LAMA3: variants seen among roughly 807,000 people sequenced by gnomAD.
LAMA3 encodes the protein laminin subunit alpha 3.
LAMA3 carries 281 observed loss-of-function variants against 402.0 expected under a neutral mutation model. The observed-to-expected ratio is 0.70, with a 90% CI of 0.63 to 0.77. The LOEUF is 0.77. LAMA3 is among the 30% of genes least tolerant of loss of function. The pLI is 0.00. For missense variants in LAMA3, 3,840 were observed against 4,215.5 expected (o/e 0.91, Z 2.47); for synonymous variants, 1,431 against 1,558.4 (o/e 0.92, Z 1.93).
intron 72 of LAMA3, 119 bp from the exon 73 acceptor site, chr18:23,951,565 C>T (rs1361734284): frequency 1.1e-5 from 8 of 735,842 alleles, no homozygotes; most frequent in Non-Finnish European, 2.0e-5. Flanking sequence ...CGGAGGAGGG[C>T]CAATATCTAA....
Position 23,921,567 on chromosome 18 carries a change from C to T in LAMA3, c.8159C>T (p.Pro2720Leu). 1.9e-6 allele frequency: 3 copies of T among 1,613,680 alleles called. No homozygotes were observed. The highest frequency in any genetic ancestry group is 2.5e-6 in the Non-Finnish European group (3 of 1,179,834). Residue 2720 changes from proline (P) to leucine (L), a missense_variant, in exon 62 of 75, where the codon CCA becomes CTA. By Grantham distance (98) the Pro-to-Leu change is moderately conservative. Coordinates refer to ENST00000313654, the MANE Select transcript of LAMA3 (RefSeq NM_198129.4). The stretch of plus-strand genomic sequence containing the variant: ...AGCACATATTATCTGGGAGGAATTC[C>T]AATTGCAATCAGGGAAAGGTAAGAT... The part of the protein sequence containing the change: ...DFSTYYLGGI[P>L]IAIRERFNIS...
At chr18:23,777,677 C>T in intron 11 of LAMA3, 58 bp downstream of exon 11, 3 of 1,286,078 alleles carry the variant, frequency 2.3e-6, no homozygotes, top group South Asian at 2.4e-5. Context: ...TTATTCTTTT[C>T]CTACTTCCTG....
At position 23,885,071 on chromosome 18, in the gene LAMA3, A is replaced by G. The variant is rs1355157204; in HGVS notation, c.5303+218A>G. Among the ~76,000 whole-genome samples the G allele has an allele frequency of 7.2e-5, 11 of 152,198 alleles. 1 individual carries two copies. In the South Asian group the frequency reaches 1.2e-3, roughly 17 times the overall value. ...CGTTTCAGAAAACTGAGAATGAGGC[A>G]CAACGCATACACTCACCCACAAGTA... On this transcript the variant is annotated intron_variant, in intron 41 of 74. Transcript: ENST00000313654.
rs2145101383 is a variant in LAMA3 at position 23,899,020 on chromosome 18, A to G, written c.5791A>G (p.Lys1931Glu). The G allele has an allele frequency of 1.2e-6, 2 of 1,614,072 alleles. No homozygotes were observed. Among genetic ancestry groups the G allele is most frequent in the Non-Finnish European group, 1.7e-6 (2 of 1,179,956 alleles). ...TGTTAATCGGGCAACACAAAGCGCA[A>G]AAGAACTGGATGTGAAGATTAAAAA... is the stretch of plus-strand genomic sequence containing the variant. Reference protein sequence around the residue: ...NNVNRATQSAKELDVKIKNVI... With the variant: ...NNVNRATQSAEELDVKIKNVI... Residue 1931 changes from lysine to glutamate, a missense_variant, in exon 46 of 75, where the codon AAA becomes GAA. Lys to Glu is a moderately conservative substitution (Grantham distance 56). Around this residue, in one of 3 missense-constraint regions of LAMA3, gnomAD observed 891 missense variants for 857.5 expected, o/e 1.04. Coordinates refer to ENST00000313654, the MANE Select transcript of LAMA3 (RefSeq NM_198129.4).
rs1599077986 is a variant in LAMA3 at position 23,912,987 on chromosome 18, C to T, written c.7329+106C>T. 5 of 1,053,666 alleles carry T rather than the reference C, an allele frequency of 4.7e-6. No homozygotes were observed. In the East Asian group the frequency reaches 1.2e-4, roughly 25 times the overall value. 65.3% of individuals were successfully genotyped at this position (1,053,666 alleles called of 1,614,324 possible). The stretch of plus-strand genomic sequence containing the variant: ...GCATCACTGCCATTAGCACAGCAGG[C>T]AGAAATCCTACTGAGACATCGACAA... On this transcript the variant is annotated intron_variant, in intron 56 of 74. Coordinates refer to ENST00000313654, the MANE Select transcript of LAMA3 (RefSeq NM_198129.4).
At chr18:23,807,407 G>A (rs922749591) in intron 12 of LAMA3, among the ~76,000 whole-genome samples, 30 of 152,036 alleles carry the variant, frequency 2.0e-4, no homozygotes, top group Admixed American at 1.4e-3. Flanking sequence ...AGATAGGTAC[G>A]TAGATAGAGC....
chr18:23,776,735 C>T (rs2062328105), intron 10 of LAMA3, among the ~76,000 whole-genome samples: 1 of 152,158 alleles, frequency 6.6e-6, no homozygotes, highest in South Asian at 2.1e-4. Context: ...GCTTAAATTG[C>T]ACCCACTTTC....
intron 5 of LAMA3, among the ~76,000 whole-genome samples, chr18:23,751,774 G>A (rs918737805): frequency 1.7e-4 from 26 of 152,240 alleles, no homozygotes; most frequent in Middle Eastern, 3.4e-3. Context: ...CAGGTGTCAG[G>A]GCAGTACACT....
intron 70 of LAMA3, among the ~76,000 whole-genome samples, chr18:23,948,139 G>T (rs2082775827): frequency 6.6e-6 from 1 of 152,112 alleles, no homozygotes; most frequent in Non-Finnish European, 1.5e-5. Context: ...GAAATCACAG[G>T]ATGGGGCAGG....
chr18:23,698,475 G>T (rs889075968), intron 1 of LAMA3, among the ~76,000 whole-genome samples: 2 of 152,088 alleles, frequency 1.3e-5, no homozygotes, highest in African/African-American at 4.8e-5. Flanking sequence ...AAAGTGCTGG[G>T]ATTACAGGCG....
chr18:23,909,194 A>T lies in LAMA3; in HGVS notation c.7057A>T (p.Ile2353Phe). 1.2e-6 allele frequency: 2 copies of T among 1,614,056 alleles called. No individual in the cohort carries two copies. Among genetic ancestry groups the T allele is most frequent in the Non-Finnish European group, 1.7e-6 (2 of 1,179,958 alleles). The change falls in exon 55 of 75, where the codon ATT (isoleucine) becomes TTT (phenylalanine). Residue 2353 changes from isoleucine to phenylalanine, a missense_variant. Around this residue, in one of 3 missense-constraint regions of LAMA3, gnomAD observed 891 missense variants for 857.5 expected, o/e 1.04. Coordinates refer to ENST00000313654, the MANE Select transcript of LAMA3 (RefSeq NM_198129.4). ...CAAACTACCTGATCTTTGGCGCAAG[A>T]TTGAAAGTATCAACCAACAGCTGTT... ...TNKLPDLWRK[I>F]ESINQQLLPL...
intron 13 of LAMA3, among the ~76,000 whole-genome samples, chr18:23,810,911 T>C (rs1271470340): frequency 1.3e-5 from 2 of 152,174 alleles, no homozygotes; most frequent in African/African-American, 4.8e-5. Flanking sequence ...GGCAGCACTG[T>C]AATGTTTCTA....
intron 73 of LAMA3, among the ~76,000 whole-genome samples, chr18:23,952,506 C>A (rs1599191506): frequency 6.6e-6 from 1 of 152,278 alleles, no homozygotes. Flanking sequence ...CTTTTCTTGG[C>A]TAATTTAAAA....
intron 1 of LAMA3, among the ~76,000 whole-genome samples, chr18:23,691,071 C>T (rs1020821184): frequency 1.3e-5 from 2 of 151,910 alleles, no homozygotes; most frequent in African/African-American, 4.8e-5. Flanking sequence ...CAAATTGCCT[C>T]CTTCTTCTGC....
At chr18:23,941,728 A>G (rs774098172) in intron 68 of LAMA3, among the ~76,000 whole-genome samples, 42 of 152,192 alleles carry the variant, frequency 2.8e-4, no homozygotes, top group Non-Finnish European at 4.9e-4. Flanking sequence ...CTACAGTATC[A>G]TGTACTGGGA....
chr18:23,727,332 T>C (rs989940998), intron 2 of LAMA3, among the ~76,000 whole-genome samples: 2 of 152,136 alleles, frequency 1.3e-5, no homozygotes, highest in African/African-American at 4.8e-5. Context: ...ATTGATTGAT[T>C]GATTGATTTT....
intron 2 of LAMA3, among the ~76,000 whole-genome samples, chr18:23,721,718 C>G (rs747891237): frequency 6.6e-5 from 10 of 152,164 alleles, no homozygotes; most frequent in African/African-American, 7.2e-5. Flanking sequence ...TCCTCCTCCC[C>G]CTTGATACTG....
At chr18:23,775,526 A>C (rs1339100357) in intron 9 of LAMA3, among the ~76,000 whole-genome samples, 1 of 138,082 alleles carries the variant, frequency 7.2e-6, no homozygotes, top group Admixed American at 8.1e-5. Context: ...CCTCTGACTC[A>C]GTGAGCTGGG....
chr18:23,699,204 C>T (rs1425491870), intron 1 of LAMA3, among the ~76,000 whole-genome samples: 2 of 152,204 alleles, frequency 1.3e-5, no homozygotes, highest in Non-Finnish European at 2.9e-5. Flanking sequence ...TGGTGTGTTC[C>T]AGGAACTCAG....
Sources: allele counts gnomAD v4.1 joint callset (sites outside exome capture counted in the v4.1 genomes callset), GRCh38; gene constraint gnomAD v4.1.1; regional missense constraint gnomAD v4.1.1; transcripts MANE v1.5; gene names NCBI Gene and HGNC (gene_info 2026-07-23, HGNC 2026-07-21).